The following ARHGAP6 variants were observed in gnomAD, a reference collection of about 807,000 sequenced individuals.
ARHGAP6 encodes Rho GTPase activating protein 6.
A neutral mutation model predicts 55.7 loss-of-function variants in ARHGAP6; 16 were observed. The observed-to-expected ratio is 0.29, with a 90% CI of 0.19 to 0.44. The LOEUF (loss-of-function observed/expected upper bound fraction) is 0.44. ARHGAP6 is among the 20% of genes least tolerant of loss of function. The pLI, the probability that ARHGAP6 is intolerant of heterozygous loss-of-function variation, is 1.00. For synonymous variants in ARHGAP6, 382 were observed against 360.9 expected, an observed-to-expected ratio of 1.06 and a Z score of -0.66; for missense variants, 698 against 808.9, an observed-to-expected ratio of 0.86 and a Z score of 1.66.
intron 1 of ARHGAP6, among the ~76,000 whole-genome samples, chrX:11,268,939 G>A (rs1273821926): frequency 2.7e-5 from 3 of 111,283 alleles, no homozygotes; most frequent in Admixed American, 9.6e-5. Flanking sequence ...AAGAGACCAC[G>A]TGGAGAGGCA....
At chrX:11,275,534 C>G (rs1569281761) in intron 1 of ARHGAP6, among the ~76,000 whole-genome samples, 1 of 111,682 alleles carries the variant, frequency 9.0e-6, no homozygotes, top group Non-Finnish European at 1.9e-5. Context: ...TCCTTTAACA[C>G]TTCCTCTCTG....
chrX:11,161,899 G>T (rs1207079206), intron 9 of ARHGAP6, among the ~76,000 whole-genome samples: 5 of 111,411 alleles, frequency 4.5e-5, no homozygotes, highest in Non-Finnish European at 9.4e-5. Flanking sequence ...ATGACCTCTT[G>T]GCCCTTCAAC....
intron 1 of ARHGAP6, among the ~76,000 whole-genome samples, chrX:11,277,389 A>AC (rs201745225): frequency 0.084 from 9,320 of 111,301 alleles, 578 homozygotes; most frequent in African/African-American, 0.22. Context: ...TTGGGTATAT[A>AC]ACTAGAAGTG....
chrX:11,467,384 A>C (rs767161937), intron 1 of ARHGAP6, among the ~76,000 whole-genome samples: 13 of 111,168 alleles, frequency 1.2e-4, no homozygotes, highest in East Asian at 5.7e-4. Flanking sequence ...AACAAACAAA[A>C]AAAAACACTC....
At chrX:11,236,746 C>T (rs1012514025) in intron 2 of ARHGAP6, among the ~76,000 whole-genome samples, 13 of 112,194 alleles carry the variant, frequency 1.2e-4, no homozygotes, top group South Asian at 1.1e-3. Flanking sequence ...AGAGAATTAA[C>T]GCAAATTCTC....
intron 8 of ARHGAP6, among the ~76,000 whole-genome samples, chrX:11,175,564 G>T (rs1208470231): frequency 1.8e-5 from 2 of 111,751 alleles, no homozygotes; most frequent in Non-Finnish European, 3.8e-5. Context: ...GTATAGGAAG[G>T]TTAATAGATT....
chrX:11,275,914 A>G (rs1033369358), intron 1 of ARHGAP6, among the ~76,000 whole-genome samples: 1 of 111,739 alleles, frequency 8.9e-6, no homozygotes, highest in Non-Finnish European at 1.9e-5. Context: ...GGACATTACA[A>G]ATGAATCATC....
intron 1 of ARHGAP6, among the ~76,000 whole-genome samples, chrX:11,561,566 T>C (rs1601646219): frequency 1.8e-5 from 2 of 112,212 alleles, no homozygotes; most frequent in East Asian, 5.5e-4. Context: ...TTTAAGACCA[T>C]TTGAATTTTT....
At chrX:11,221,845 T>C (rs1269768521) in intron 2 of ARHGAP6, among the ~76,000 whole-genome samples, 1 of 111,268 alleles carries the variant, frequency 9.0e-6, no homozygotes, top group East Asian at 2.8e-4. Flanking sequence ...GGTTATAGCA[T>C]AGTACCTGAT....
chrX:11,589,113 C>T (rs2051772822), intron 1 of ARHGAP6, among the ~76,000 whole-genome samples: 2 of 105,591 alleles, frequency 1.9e-5, no homozygotes, highest in Admixed American at 2.1e-4. Context: ...GCAGTCTTGG[C>T]TCACTGCAAC....
At chrX:11,517,971 T>C (rs888318462) in intron 1 of ARHGAP6, among the ~76,000 whole-genome samples, 1 of 111,267 alleles carries the variant, frequency 9.0e-6, no homozygotes, top group Admixed American at 9.6e-5. Context: ...TACCCCGGAA[T>C]TTAAAATAAA....
intron 1 of ARHGAP6, among the ~76,000 whole-genome samples, chrX:11,634,017 G>A (rs1185161352): frequency 2.7e-5 from 3 of 110,401 alleles, no homozygotes; most frequent in Admixed American, 9.6e-5. Flanking sequence ...TCACTGAAAA[G>A]CATTCTCCTA....
chrX:11,500,936 C>G (rs1231578047), intron 1 of ARHGAP6, among the ~76,000 whole-genome samples: 1 of 110,736 alleles, frequency 9.0e-6, no homozygotes, highest in Admixed American at 9.7e-5. Context: ...ACTAGAAGAG[C>G]TGACATGAAA....
chrX:11,225,202 C>T (rs2047029663), intron 2 of ARHGAP6, among the ~76,000 whole-genome samples: 1 of 110,777 alleles, frequency 9.0e-6, no homozygotes. Context: ...GTGAGTGCCA[C>T]ATAGAGGAGA....
At chrX:11,331,476 C>G (rs1329284388) in intron 1 of ARHGAP6, among the ~76,000 whole-genome samples, 1 of 111,993 alleles carries the variant, frequency 8.9e-6, no homozygotes, top group Admixed American at 9.4e-5. Flanking sequence ...GCCTTTTCTT[C>G]TGTTAATCAA....
At chrX:11,369,846 G>C (rs1215944607) in intron 1 of ARHGAP6, among the ~76,000 whole-genome samples, 1 of 111,982 alleles carries the variant, frequency 8.9e-6, no homozygotes, top group Non-Finnish European at 1.9e-5. Flanking sequence ...ATATCAAAGG[G>C]TAATGAGCAG....
chrX:11,618,795 AAAC>A (rs1327994142), intron 1 of ARHGAP6, among the ~76,000 whole-genome samples: 1 of 112,606 alleles, frequency 8.9e-6, no homozygotes, highest in Non-Finnish European at 1.9e-5. Context: ...TACTGTGAGT[AAAC>A]AACAATTACA....
At chrX:11,215,600 G>A (rs1308797813) in intron 2 of ARHGAP6, among the ~76,000 whole-genome samples, 1 of 112,907 alleles carries the variant, frequency 8.9e-6, no homozygotes, top group Non-Finnish European at 1.9e-5. Context: ...CACTCACAAG[G>A]TTCAGGAGTC....
intron 1 of ARHGAP6, among the ~76,000 whole-genome samples, chrX:11,542,354 A>C (rs890213780): frequency 9.0e-5 from 10 of 110,818 alleles, no homozygotes; most frequent in African/African-American, 3.0e-4. Context: ...GGTGCCTGTA[A>C]TCCCAGCTAC....
Sources: gnomAD v4.1 joint callset for allele counts (sites outside exome capture counted in the v4.1 genomes callset) on GRCh38, gnomAD v4.1.1 for gene constraint, MANE v1.5 for transcripts, NCBI Gene and HGNC (gene_info 2026-07-23, HGNC 2026-07-21) for gene names.